Variants in TNNI3K observed in about 807,000 individuals in gnomAD.
The protein encoded by TNNI3K is serine/threonine-protein kinase TNNI3K.
A neutral mutation model predicts 114.5 loss-of-function variants in TNNI3K; 140 were observed. The observed-to-expected ratio is 1.22, with a 90% CI of 1.07 to 1.41. TNNI3K has a LOEUF of 1.41. Ranked by LOEUF, TNNI3K falls within the 40% of genes most tolerant of loss-of-function variation. The pLI is 0.00. For missense variants in TNNI3K, 1,125 were observed against 1,007.6 expected (o/e 1.12, Z -1.58); for synonymous variants, 347 against 347.5 (o/e 1.00, Z 0.02).
chr1:74,367,577 G>T (rs1174369674), intron 12 of TNNI3K, among the ~76,000 whole-genome samples: 2 of 151,902 alleles, frequency 1.3e-5, no homozygotes, highest in Non-Finnish European at 2.9e-5. Flanking sequence ...ACATTTCCCA[G>T]ACTGGATGTT....
chr1:74,316,011 A>G (rs1227269255), intron 5 of TNNI3K, among the ~76,000 whole-genome samples: 1 of 152,228 alleles, frequency 6.6e-6, no homozygotes, highest in African/African-American at 2.4e-5. Flanking sequence ...AAAGAAATCA[A>G]AATTTGAAAT....
chr1:74,492,042 G>T, intron 22 of TNNI3K, 55 bp from the exon 23 acceptor site: 1 of 1,386,142 alleles, frequency 7.2e-7, no homozygotes, highest in Non-Finnish European at 9.5e-7. Flanking sequence ...TTTATGTTAT[G>T]TCTTCACACC....
At chr1:74,379,322 CACAT>C (rs1176189595) in intron 17 of TNNI3K, among the ~76,000 whole-genome samples, 2 of 80,866 alleles carry the variant, frequency 2.5e-5, no homozygotes, top group African/African-American at 4.0e-5. Flanking sequence ...TCAGTAAACA[CACAT>C]ACACGCGCGC....
At chr1:74,455,407 A>G (rs1667187927) in intron 20 of TNNI3K, among the ~76,000 whole-genome samples, 1 of 152,194 alleles carries the variant, frequency 6.6e-6, no homozygotes, top group African/African-American at 2.4e-5. Flanking sequence ...ACATCAGTCA[A>G]ACAACACAGA....
At chr1:74,486,003 T>A (rs918986446) in intron 21 of TNNI3K, among the ~76,000 whole-genome samples, 1 of 152,140 alleles carries the variant, frequency 6.6e-6, no homozygotes, top group Admixed American at 6.6e-5. Context: ...TATACTGGAC[T>A]CCTGACCAGT....
At chr1:74,291,756 A>C (rs1657690151) in intron 5 of TNNI3K, among the ~76,000 whole-genome samples, 1 of 151,378 alleles carries the variant, frequency 6.6e-6, no homozygotes, top group Non-Finnish European at 1.5e-5. Context: ...AGATATTTTA[A>C]ATTATTATCT....
At chr1:74,264,231 A>G (rs939107669) in intron 4 of TNNI3K, among the ~76,000 whole-genome samples, 9 of 151,808 alleles carry the variant, frequency 5.9e-5, no homozygotes, top group Non-Finnish European at 1.2e-4. Context: ...TTAAAAACTG[A>G]TATCTTTTGT....
intron 11 of TNNI3K, 27 bp from the exon 12 acceptor site, chr1:74,367,229 C>G (rs1662320865): frequency 1.2e-6 from 2 of 1,606,442 alleles, no homozygotes; most frequent in Admixed American, 3.4e-5. Context: ...ATTTAGGACT[C>G]TTTGTTCTTT....
chr1:74,500,420 G>A (rs902087565), intron 23 of TNNI3K, among the ~76,000 whole-genome samples: 1 of 151,210 alleles, frequency 6.6e-6, no homozygotes, highest in Non-Finnish European at 1.5e-5. Context: ...GCTAAAAAAC[G>A]GTGAAACCCC....
chr1:74,475,363 T>C (rs1668144787), intron 21 of TNNI3K: 1 of 716,078 alleles, frequency 1.4e-6, no homozygotes, highest in Non-Finnish European at 2.6e-6. Context: ...ATTCCATAGC[T>C]TTTGAACTTT....
chr1:74,540,192 C>T (rs765310862), intron 23 of TNNI3K, 42 bp from the exon 24 acceptor site: 4 of 1,591,706 alleles, frequency 2.5e-6, no homozygotes, highest in East Asian at 2.3e-5. Context: ...ATGTTATTAT[C>T]AGATCACCAT....
At chr1:74,470,149 A>G (rs1269729287) in intron 21 of TNNI3K, 5 of 400,582 alleles carry the variant, frequency 1.2e-5, no homozygotes, top group Admixed American at 8.8e-5. Flanking sequence ...TTCAGGATCT[A>G]CTTCACTGCA....
At chr1:74,423,811 CATA>C (rs1324257384) in intron 17 of TNNI3K, among the ~76,000 whole-genome samples, 1 of 152,070 alleles carries the variant, frequency 6.6e-6, no homozygotes, top group Non-Finnish European at 1.5e-5. Flanking sequence ...TGTAAAATTG[CATA>C]ATAATTATAT....
intron 17 of TNNI3K, among the ~76,000 whole-genome samples, chr1:74,432,661 G>T (rs1278660581): frequency 6.6e-6 from 1 of 152,026 alleles, no homozygotes; most frequent in Admixed American, 6.6e-5. Context: ...GGTATATTGG[G>T]TTTATTTCTA....
intron 5 of TNNI3K, among the ~76,000 whole-genome samples, chr1:74,282,915 C>A (rs780941671): frequency 6.6e-6 from 1 of 152,096 alleles, no homozygotes; most frequent in East Asian, 1.9e-4. Flanking sequence ...TGGAAAACAT[C>A]GCAAGGGCCA....
intron 17 of TNNI3K, among the ~76,000 whole-genome samples, chr1:74,435,084 A>C (rs1233605915): frequency 2.0e-5 from 3 of 152,184 alleles, no homozygotes; most frequent in South Asian, 4.1e-4. Flanking sequence ...ATCTCCTAAT[A>C]CTGAAATGAC....
intron 4 of TNNI3K, 80 bp from the exon 5 acceptor site, chr1:74,271,518 G>GA: frequency 7.2e-7 from 1 of 1,386,586 alleles, no homozygotes; most frequent in African/African-American, 1.5e-5. Flanking sequence ...CTGATAGGCA[G>GA]AAAATCAATA....
chr1:74,463,377 T>C (rs1667530947), intron 20 of TNNI3K, 64 bp from the exon 21 acceptor site: 6 of 1,553,982 alleles, frequency 3.9e-6, no homozygotes, highest in Non-Finnish European at 5.3e-6. Context: ...TGTGTGTGTG[T>C]CTTCATTTGT....
intron 17 of TNNI3K, among the ~76,000 whole-genome samples, chr1:74,404,510 A>G (rs1238761444): frequency 1.3e-5 from 2 of 152,194 alleles, no homozygotes; most frequent in African/African-American, 4.8e-5. Flanking sequence ...CTCACACTTC[A>G]GCATACATCA....
Sources: allele counts gnomAD v4.1 joint callset (sites outside exome capture counted in the v4.1 genomes callset), GRCh38; gene constraint gnomAD v4.1.1; transcripts MANE v1.5; gene names NCBI Gene and HGNC (gene_info 2026-07-23, HGNC 2026-07-21).